The following PTPRG variants were observed in gnomAD, a reference collection of about 807,000 sequenced individuals.
The protein encoded by PTPRG is receptor-type tyrosine-protein phosphatase gamma.
A neutral mutation model predicts 165.3 loss-of-function variants in PTPRG; 102 were observed. The observed-to-expected ratio is 0.62, with a 90% CI of 0.53 to 0.73. The LOEUF (loss-of-function observed/expected upper bound fraction) is 0.73. Ranked by LOEUF, PTPRG falls within the 30% of genes least tolerant of loss-of-function variation. PTPRG has a pLI of 0.00. For missense variants in PTPRG, 1,866 were observed against 1,861.4 expected, an observed-to-expected ratio of 1.00 and a Z score of -0.05; for synonymous variants, 675 against 669.5, an observed-to-expected ratio of 1.01 and a Z score of -0.13.
intron 10 of PTPRG, among the ~76,000 whole-genome samples, chr3:62,198,182 A>T (rs1407496688): frequency 6.6e-6 from 1 of 152,190 alleles, no homozygotes; most frequent in Non-Finnish European, 1.5e-5. Flanking sequence ...TAATAATAGC[A>T]AGCAATATTT....
intron 1 of PTPRG, among the ~76,000 whole-genome samples, chr3:61,674,609 T>TCTG (rs1185184188): frequency 6.6e-6 from 1 of 152,090 alleles, no homozygotes; most frequent in Non-Finnish European, 1.5e-5. Flanking sequence ...GCTGCTGACT[T>TCTG]CTGTTTGGTT....
chr3:62,069,678 T>A (rs62243348), intron 4 of PTPRG, among the ~76,000 whole-genome samples: 104,683 of 138,482 alleles, frequency 0.76, 38,668 homozygotes, highest in Non-Finnish European at 0.81. Context: ...TCTCTCTCTC[T>A]CTCTCTCACA....
chr3:62,169,921 G>C (rs909882485), intron 8 of PTPRG, among the ~76,000 whole-genome samples: 3 of 152,292 alleles, frequency 2.0e-5, no homozygotes, highest in African/African-American at 7.2e-5. Flanking sequence ...AGTAACTGCA[G>C]TGACATGCAC....
chr3:62,186,211 A>G (rs1705877833), intron 8 of PTPRG, among the ~76,000 whole-genome samples: 1 of 152,208 alleles, frequency 6.6e-6, no homozygotes, highest in African/African-American at 2.4e-5. Flanking sequence ...GTTAAAGACC[A>G]GAGACAAGAT....
intron 2 of PTPRG, among the ~76,000 whole-genome samples, chr3:61,837,102 T>C (rs151288209): frequency 9.7e-4 from 147 of 152,282 alleles, no homozygotes; most frequent in Non-Finnish European, 1.9e-3. Context: ...TTTGTAAAGA[T>C]GGGTTTTATC....
rs1001070347 is a variant in PTPRG at position 62,293,447 on chromosome 3, C to A, written c.*140C>A. The A allele has an allele frequency of 2.7e-6, 2 of 741,584 alleles. No individual in the cohort carries two copies. Among genetic ancestry groups the A allele is most frequent in the Non-Finnish European group, 2.0e-6 (1 of 491,422 alleles). 45.9% of individuals were successfully genotyped at this position (741,584 alleles called of 1,614,324 possible). On this transcript the variant is annotated 3_prime_UTR_variant, in exon 30 of 30. Coordinates refer to ENST00000474889, the MANE Select transcript of PTPRG (RefSeq NM_002841.4). Reference sequence around the variant, plus strand: ...TAAAAGTTTTGATATTTATTTTTTGCCATTTTATGTCTTAATGGTATCCTA... The same window carrying A: ...TAAAAGTTTTGATATTTATTTTTTGACATTTTATGTCTTAATGGTATCCTA...
intron 18 of PTPRG, 87 bp downstream of exon 18, chr3:62,267,579 G>C (rs181541489): frequency 6.6e-7 from 1 of 1,525,884 alleles, no homozygotes; most frequent in Non-Finnish European, 8.9e-7. Context: ...ACTGTACAGA[G>C]CTTTCACTAA....
intron 13 of PTPRG, among the ~76,000 whole-genome samples, chr3:62,227,768 G>A (rs1159586758): frequency 1.3e-5 from 2 of 152,194 alleles, no homozygotes; most frequent in Non-Finnish European, 2.9e-5. Context: ...AGGAAGAGAG[G>A]AGCAGGTAAA....
In PTPRG at chr3:61,701,169, G is replaced by A. The variant is rs549664205; in HGVS notation, c.86-47709G>A. On this transcript the variant is annotated intron_variant, in intron 1 of 29. Transcript: ENST00000474889. The stretch of plus-strand genomic sequence containing the variant: ...GGAGTAGTCCACCATCACACCATAT[G>A]GGCTTTTTCCTGTGGTGATTAATTA... Among the ~76,000 whole-genome samples, 19 of 152,246 alleles carry A rather than the reference G, an allele frequency of 1.2e-4. 1 individual carries two copies. The highest frequency in any genetic ancestry group is 3.4e-3 in the Middle Eastern group (1 of 294).
intron 2 of PTPRG, among the ~76,000 whole-genome samples, chr3:61,843,926 A>T (rs2036726816): frequency 6.6e-6 from 1 of 150,784 alleles, no homozygotes; most frequent in Non-Finnish European, 1.5e-5. Context: ...GTTTATGTTC[A>T]TGTCATTGAT....
At position 61,864,819 on chromosome 3, in the gene PTPRG, C is replaced by T. The variant is rs74972620; in HGVS notation, c.190+115837C>T. ...TGGAAGACCAGGGGTTCCATCTCCT[C>T]GTAATGTGTGGTATCTGTTCTCTCA... On this transcript the variant is annotated intron_variant, in intron 2 of 29. Transcript: ENST00000474889. Among the ~76,000 whole-genome samples, 1,260 of 152,246 alleles carry T rather than the reference C, an allele frequency of 8.3e-3. 22 individuals are homozygous for T. The highest frequency in any genetic ancestry group is 0.029 in the African/African-American group (1,192 of 41,538).
At chr3:62,180,195 T>C (rs1559611231) in intron 8 of PTPRG, among the ~76,000 whole-genome samples, 1 of 152,256 alleles carries the variant, frequency 6.6e-6, no homozygotes, top group African/African-American at 2.4e-5. Context: ...GTTGATTTCC[T>C]GACGTGGCTG....
intron 1 of PTPRG, among the ~76,000 whole-genome samples, chr3:61,747,304 G>GC (rs34767241): frequency 0.65 from 99,183 of 151,938 alleles, 32,363 homozygotes; most frequent in African/African-American, 0.71. Flanking sequence ...TACTAACATA[G>GC]CAAGACAGTG....
chr3:61,915,878 T>G (rs999945595), intron 2 of PTPRG, among the ~76,000 whole-genome samples: 10 of 152,230 alleles, frequency 6.6e-5, no homozygotes, highest in Non-Finnish European at 1.2e-4. Context: ...ACACTGAGTT[T>G]AAGACAGCTT....
chr3:61,672,020 A>G (rs1466686443), intron 1 of PTPRG, among the ~76,000 whole-genome samples: 2,377 of 43,654 alleles, frequency 0.054, no homozygotes, highest in Admixed American at 0.061. Flanking sequence ...GTTGCCAGGC[A>G]GAGGGTCTCC....
At chr3:62,244,681 G>A (rs1163776355) in intron 15 of PTPRG, among the ~76,000 whole-genome samples, 1 of 152,078 alleles carries the variant, frequency 6.6e-6, no homozygotes, top group East Asian at 1.9e-4. Context: ...CTGCTGATCT[G>A]CCCTATTCTC....
At chr3:61,854,968 A>C (rs1475494934) in intron 2 of PTPRG, among the ~76,000 whole-genome samples, 1 of 152,150 alleles carries the variant, frequency 6.6e-6, no homozygotes, top group Admixed American at 6.6e-5. Flanking sequence ...TAATTTTTCT[A>C]GTAGAGGGAA....
chr3:62,253,189 A>G (rs762597260), intron 15 of PTPRG, among the ~76,000 whole-genome samples: 1 of 152,222 alleles, frequency 6.6e-6, no homozygotes. Flanking sequence ...TACCTTACAG[A>G]GTAAAACAGT....
chr3:61,754,079 A>G (rs116297882), intron 2 of PTPRG, among the ~76,000 whole-genome samples: 2,149 of 152,262 alleles, frequency 0.014, 54 homozygotes, highest in African/African-American at 0.049. Context: ...AAGAATCAGT[A>G]CAAGGAGACC....
Sources: gnomAD v4.1 joint callset for allele counts (sites outside exome capture counted in the v4.1 genomes callset) on GRCh38, gnomAD v4.1.1 for gene constraint, MANE v1.5 for transcripts, NCBI Gene and HGNC (gene_info 2026-07-23, HGNC 2026-07-21) for gene names.